Variants in EFNA5 observed in about 807,000 individuals in gnomAD.
EFNA5 encodes ephrin A5, also known as ephrin-A5.
In EFNA5, 5 loss-of-function variants were observed where a neutral mutation model predicts 22.9. The observed-to-expected ratio is 0.22, with a 90% CI of 0.11 to 0.46. The LOEUF is 0.46. Ranked by LOEUF, EFNA5 falls within the 20% of genes least tolerant of loss-of-function variation. The probability of loss-of-function intolerance (pLI) is 0.99; values close to 1 mark genes in which losing one functional copy is unlikely to be tolerated. For synonymous variants in EFNA5, 113 were observed against 112.2 expected (o/e 1.01, Z -0.04); for missense variants, 237 against 293.3 (o/e 0.81, Z 1.40).
chr5:107,616,089 C>T (rs1318517512), intron 1 of EFNA5, among the ~76,000 whole-genome samples: 1 of 152,052 alleles, frequency 6.6e-6, no homozygotes, highest in Admixed American at 6.6e-5. Context: ...ATCAGTAACC[C>T]AAGTTCAATA....
intron 1 of EFNA5, among the ~76,000 whole-genome samples, chr5:107,471,054 T>TA (rs1273610003): frequency 6.6e-6 from 1 of 152,162 alleles, no homozygotes; most frequent in African/African-American, 2.4e-5. Flanking sequence ...TTAGTATAAT[T>TA]ACCTTCTAGC....
chr5:107,578,853 G>A (rs71575447), intron 1 of EFNA5, among the ~76,000 whole-genome samples: 40 of 152,328 alleles, frequency 2.6e-4, no homozygotes, highest in African/African-American at 7.2e-4. Flanking sequence ...TGGCTTCTAC[G>A]CTGGACATGG....
intron 1 of EFNA5, among the ~76,000 whole-genome samples, chr5:107,658,210 T>G (rs186182935): frequency 6.6e-6 from 1 of 152,320 alleles, no homozygotes; most frequent in Admixed American, 6.5e-5. Flanking sequence ...TGGGGTTAAT[T>G]TAACCATACG....
In EFNA5 at chr5:107,652,297, T is replaced by G. The variant is rs559400886; in HGVS notation, c.125+18192A>C. On this transcript the variant is annotated intron_variant, in intron 1 of 4. Transcript: ENST00000333274. ...GTTCCTAAGGATCCCTGGAATATTC[T>G]TCAGCTACTTGCCCCATCTCTTTTA... is the stretch of plus-strand genomic sequence containing the variant. Among the ~76,000 whole-genome samples the G allele has an allele frequency of 1.7e-3, 252 of 152,348 alleles. 2 individuals carry two copies. The highest frequency in any genetic ancestry group is 5.9e-3 in the African/African-American group (245 of 41,580).
chr5:107,624,664 T>C (rs1185464052), intron 1 of EFNA5, among the ~76,000 whole-genome samples: 2 of 152,150 alleles, frequency 1.3e-5, no homozygotes, highest in Non-Finnish European at 2.9e-5. Context: ...ATAAAAGTCA[T>C]GGATTAACTC....
At chr5:107,657,337 TCA>T (rs1195253366) in intron 1 of EFNA5, among the ~76,000 whole-genome samples, 1 of 152,096 alleles carries the variant, frequency 6.6e-6, no homozygotes, top group Non-Finnish European at 1.5e-5. Flanking sequence ...CCACTTAAGT[TCA>T]CACAGAGTCA....
chr5:107,549,349 A>G (rs985086188), intron 1 of EFNA5, among the ~76,000 whole-genome samples: 2 of 152,250 alleles, frequency 1.3e-5, no homozygotes, highest in African/African-American at 4.8e-5. Context: ...AACACAAAGC[A>G]GACATTATTT....
intron 1 of EFNA5, among the ~76,000 whole-genome samples, chr5:107,577,461 A>G (rs752933758): frequency 1.3e-5 from 2 of 152,144 alleles, no homozygotes; most frequent in Non-Finnish European, 2.9e-5. Flanking sequence ...TTCAGCAATA[A>G]GGGTTAAGAT....
intron 2 of EFNA5, among the ~76,000 whole-genome samples, chr5:107,410,532 G>C (rs1190446149): frequency 2.6e-5 from 4 of 152,074 alleles, no homozygotes; most frequent in Non-Finnish European, 4.4e-5. Context: ...ATCCATGGAA[G>C]TCAGTTCCCT....
chr5:107,532,862 A>C (rs1337447208), intron 1 of EFNA5, among the ~76,000 whole-genome samples: 1 of 152,238 alleles, frequency 6.6e-6, no homozygotes, highest in East Asian at 1.9e-4. Flanking sequence ...CGCCAGACAC[A>C]AGATTACCTA....
Position 107,610,626 on chromosome 5 carries a change from AT to A in EFNA5, c.125+59862del, listed in dbSNP as rs532714500. Among the ~76,000 whole-genome samples the A allele has an allele frequency of 9.2e-5, 14 of 152,176 alleles. 1 individual carries two copies. The South Asian group carries it at 2.7e-3, about 29-fold the overall frequency. ...TATCTCTTTTTTTAATCCTTTCTTA[AT>A]TTTTGCAATTGAAAAACTACAATTA... is the stretch of plus-strand genomic sequence containing the variant. On this transcript the variant is annotated intron_variant, in intron 1 of 4. Transcript: ENST00000333274.
chr5:107,384,657 G>A (rs1747563266), intron 4 of EFNA5, among the ~76,000 whole-genome samples: 1 of 151,902 alleles, frequency 6.6e-6, no homozygotes, highest in African/African-American at 2.4e-5. Context: ...TGTCACCCAG[G>A]ATGGAGCACA....
chr5:107,441,137 ACT>A, intron 1 of EFNA5, among the ~76,000 whole-genome samples: 1 of 151,976 alleles, frequency 6.6e-6, no homozygotes. Flanking sequence ...GGCTCAGGAC[ACT>A]CTGTATCTGA....
At chr5:107,445,033 GT>G (rs1749353392) in intron 1 of EFNA5, among the ~76,000 whole-genome samples, 1 of 151,980 alleles carries the variant, frequency 6.6e-6, no homozygotes, top group Admixed American at 6.6e-5. Flanking sequence ...TTTAAAAAAA[GT>G]TTTTTGGAGA....
intron 1 of EFNA5, among the ~76,000 whole-genome samples, chr5:107,487,231 T>G (rs527741361): frequency 6.6e-6 from 1 of 152,228 alleles, no homozygotes; most frequent in African/African-American, 2.4e-5. Flanking sequence ...CCCCACTCCC[T>G]CTTCCCCCCG....
intron 4 of EFNA5, among the ~76,000 whole-genome samples, chr5:107,382,772 T>G (rs1747505489): frequency 6.6e-6 from 1 of 152,074 alleles, no homozygotes; most frequent in Non-Finnish European, 1.5e-5. Flanking sequence ...TTCCTGCAGG[T>G]GTTCAGCAGT....
At chr5:107,575,496 T>C (rs12520660) in intron 1 of EFNA5, among the ~76,000 whole-genome samples, 35,087 of 152,120 alleles carry the variant, frequency 0.23, 5,893 homozygotes, top group African/African-American at 0.48. Context: ...TAAAATGTGT[T>C]AGAGATACTT....
intron 1 of EFNA5, among the ~76,000 whole-genome samples, chr5:107,432,906 A>G (rs1317484511): frequency 6.6e-6 from 1 of 152,246 alleles, no homozygotes; most frequent in Non-Finnish European, 1.5e-5. Context: ...CAATGTGAAG[A>G]CAAGGATGAA....
chr5:107,610,193 G>A (rs1479555779), intron 1 of EFNA5, among the ~76,000 whole-genome samples: 1 of 152,214 alleles, frequency 6.6e-6, no homozygotes, highest in Non-Finnish European at 1.5e-5. Flanking sequence ...GCCCTTCGAA[G>A]AGTTATTCAG....
Sources: allele counts gnomAD v4.1 joint callset (sites outside exome capture counted in the v4.1 genomes callset), GRCh38; gene constraint gnomAD v4.1.1; transcripts MANE v1.5; gene names NCBI Gene and HGNC (gene_info 2026-07-23, HGNC 2026-07-21).